Variants in RAB4A observed in about 807,000 individuals in gnomAD.
RAB4A encodes the protein RAB4A, member RAS oncogene family.
Under a neutral mutation model 34.5 loss-of-function variants are expected in RAB4A, and 20 were observed. The ratio of observed to expected loss-of-function variants is 0.58; its 90% CI spans 0.41 to 0.84. The LOEUF (loss-of-function observed/expected upper bound fraction) is 0.84. Ranked by LOEUF, RAB4A falls within the 40% of genes least tolerant of loss-of-function variation. The probability of loss-of-function intolerance (pLI) is 0.00; values close to 1 mark genes in which losing one functional copy is unlikely to be tolerated. For missense variants in RAB4A, 228 were observed against 274.5 expected, an observed-to-expected ratio of 0.83 and a Z score of 1.20; for synonymous variants, 102 against 100.0, an observed-to-expected ratio of 1.02 and a Z score of -0.12.
chr1:229,292,388 T>C (rs932241812), intron 3 of RAB4A, among the ~76,000 whole-genome samples: 1 of 152,214 alleles, frequency 6.6e-6, no homozygotes, highest in Non-Finnish European at 1.5e-5. Context: ...TGATACAGCT[T>C]ATCTTGAAGA....
intron 3 of RAB4A, 77 bp downstream of exon 3, chr1:229,288,920 G>A (rs901159342): frequency 2.3e-6 from 2 of 870,456 alleles, no homozygotes; most frequent in African/African-American, 1.7e-5. Context: ...CAATATATAA[G>A]GTCTCACTCC....
intron 3 of RAB4A, 64 bp downstream of exon 3, chr1:229,288,907 TC>T: frequency 1.0e-6 from 1 of 983,952 alleles, no homozygotes; most frequent in South Asian, 1.4e-5. Flanking sequence ...GATGATATTC[TC>T]TCAATATATA....
intron 1 of RAB4A, among the ~76,000 whole-genome samples, chr1:229,286,072 TAAG>T (rs528599183): frequency 1.2e-3 from 176 of 152,370 alleles, no homozygotes; most frequent in South Asian, 3.5e-3. Context: ...CCCTGCTTTT[TAAG>T]AAGAAGAAAG....
At position 229,288,763 on chromosome 1, in the gene RAB4A, A is replaced by G; in HGVS notation, c.147A>G (p.Glu49=). The change falls in exon 3 of 8, where the codon GAA becomes GAG. Residue 49 remains glutamate, a synonymous_variant. Coordinates refer to ENST00000366690, the MANE Select transcript of RAB4A (RefSeq NM_004578.4). ...KDDSNHTIGV[E]FGSKIINVGG... ...ACTCAAATCATACAATAGGAGTGGAATTTGGTTCAAAGATAATAAATGTTG... is the reference window on the plus strand; with the variant it reads ...ACTCAAATCATACAATAGGAGTGGAGTTTGGTTCAAAGATAATAAATGTTG... 2 of 1,588,926 alleles carry G rather than the reference A, an allele frequency of 1.3e-6. No individual in the cohort carries two copies. The highest frequency in any genetic ancestry group is 1.7e-6 in the Non-Finnish European group (2 of 1,158,616).
At chr1:229,295,411 G>T (rs1348799471) in intron 3 of RAB4A, among the ~76,000 whole-genome samples, 1 of 152,156 alleles carries the variant, frequency 6.6e-6, no homozygotes, top group Non-Finnish European at 1.5e-5. Flanking sequence ...GGTGACTATG[G>T]ATTCCTGTGG....
At chr1:229,283,798 T>C (rs901688548) in intron 1 of RAB4A, among the ~76,000 whole-genome samples, 3 of 151,392 alleles carry the variant, frequency 2.0e-5, no homozygotes, top group Admixed American at 6.6e-5. Context: ...ACAATCTTGC[T>C]TCACTGCAAC....
At chr1:229,274,637 T>G (rs1656594163) in intron 1 of RAB4A, among the ~76,000 whole-genome samples, 1 of 152,234 alleles carries the variant, frequency 6.6e-6, no homozygotes, top group Non-Finnish European at 1.5e-5. Context: ...TTAGTATGGC[T>G]TGGGACTTCC....
chr1:229,300,000 A>G (rs1183011644), intron 6 of RAB4A, among the ~76,000 whole-genome samples: 4 of 152,190 alleles, frequency 2.6e-5, no homozygotes, highest in Non-Finnish European at 4.4e-5. Context: ...TAGCAGGAGA[A>G]AAGGTTGAAG....
intron 6 of RAB4A, among the ~76,000 whole-genome samples, 190 bp from the exon 7 acceptor site, chr1:229,302,672 G>A (rs563246984): frequency 4.0e-5 from 6 of 151,366 alleles, no homozygotes; most frequent in Admixed American, 6.6e-5. Flanking sequence ...CGAATCAGCC[G>A]TTCCTTATGT....
chr1:229,295,965 G>T, intron 4 of RAB4A, 55 bp downstream of exon 4: 1 of 1,587,144 alleles, frequency 6.3e-7, no homozygotes, highest in Non-Finnish European at 8.6e-7. Flanking sequence ...CAGCCCAAAG[G>T]CTGGTCTTGG....
intron 5 of RAB4A, among the ~76,000 whole-genome samples, 158 bp from the exon 6 acceptor site, chr1:229,298,819 A>G (rs1283321911): frequency 6.6e-6 from 1 of 152,216 alleles, no homozygotes. Context: ...AAAAACACAT[A>G]ATGACATATA....
intron 1 of RAB4A, among the ~76,000 whole-genome samples, chr1:229,282,960 C>T (rs1377783212): frequency 6.6e-6 from 1 of 151,946 alleles, no homozygotes; most frequent in African/African-American, 2.4e-5. Context: ...TACCTTTTTT[C>T]GTTCAGTTTG....
At chr1:229,272,269 T>C (rs1220190881) in intron 1 of RAB4A, among the ~76,000 whole-genome samples, 1 of 152,196 alleles carries the variant, frequency 6.6e-6, no homozygotes, top group African/African-American at 2.4e-5. Flanking sequence ...TTTGGAGTTT[T>C]ACAGTCCCAG....
intron 1 of RAB4A, among the ~76,000 whole-genome samples, chr1:229,282,313 G>C (rs1213840647): frequency 6.6e-6 from 1 of 152,106 alleles, no homozygotes; most frequent in Non-Finnish European, 1.5e-5. Flanking sequence ...TATTCGAATT[G>C]TATTTCCCTT....
At position 229,288,727 on chromosome 1, in the gene RAB4A, A is replaced by T. The variant is rs1231551316; in HGVS notation, c.113-2A>T. 1 of 1,440,210 alleles carries T rather than the reference A, an allele frequency of 6.9e-7. No homozygotes were observed. The highest frequency in any genetic ancestry group is 9.6e-7 in the Non-Finnish European group (1 of 1,037,326). The allele number at this position is 1,440,210 out of a possible 1,614,324, so 89.2% of individuals were successfully genotyped here. Reference sequence around the variant, plus strand: ...TATGCTGTTCTTGTTTTTCTTTTTTAGTCAAAGATGACTCAAATCATACAA... The same window carrying T: ...TATGCTGTTCTTGTTTTTCTTTTTTTGTCAAAGATGACTCAAATCATACAA... On this transcript the variant is annotated splice_acceptor_variant, in intron 2 of 7. Transcript: ENST00000366690. LOFTEE classifies it high-confidence loss of function.
intron 3 of RAB4A, among the ~76,000 whole-genome samples, chr1:229,291,599 G>T (rs140132351): frequency 0.018 from 2,776 of 152,252 alleles, 38 homozygotes; most frequent in Middle Eastern, 0.054. Context: ...AAGGGTTTTT[G>T]AGTTTTCTGT....
At chr1:229,291,119 AAG>A (rs1657058168) in intron 3 of RAB4A, among the ~76,000 whole-genome samples, 1 of 152,228 alleles carries the variant, frequency 6.6e-6, no homozygotes. Flanking sequence ...TGGAAGCTAA[AAG>A]AAATGGAAGC....
chr1:229,302,276 TATATATATATATA>T (rs1657408222), intron 6 of RAB4A, among the ~76,000 whole-genome samples: 2 of 27,026 alleles, frequency 7.4e-5, no homozygotes, highest in Admixed American at 5.3e-4. Context: ...TATATATATA[TATATATATATATA>T]TATATATATA....
intron 1 of RAB4A, among the ~76,000 whole-genome samples, chr1:229,273,286 A>G (rs1003708890): frequency 6.6e-6 from 1 of 152,230 alleles, no homozygotes; most frequent in African/African-American, 2.4e-5. Flanking sequence ...AGTTAACTGA[A>G]CTTTTGAGCT....
Sources: allele counts gnomAD v4.1 joint callset (sites outside exome capture counted in the v4.1 genomes callset), GRCh38; gene constraint gnomAD v4.1.1; transcripts MANE v1.5; gene names NCBI Gene and HGNC (gene_info 2026-07-23, HGNC 2026-07-21).